The following NDRG4 variants were observed in gnomAD, a reference collection of about 807,000 sequenced individuals.
The protein encoded by NDRG4 is NDRG family member 4.
A neutral mutation model predicts 55.8 loss-of-function variants in NDRG4; 38 were observed. The ratio of observed to expected loss-of-function variants is 0.68; its 90% CI spans 0.53 to 0.89. The LOEUF is 0.89. Among genes scored for constraint, NDRG4 ranks in the 40% least tolerant of loss-of-function variants. The pLI is 0.00. For missense variants in NDRG4, 455 were observed against 468.6 expected, an observed-to-expected ratio of 0.97 and a Z score of 0.27; for synonymous variants, 190 against 182.7, an observed-to-expected ratio of 1.04 and a Z score of -0.32.
chr16:58,504,650 G>T lies in NDRG4; in HGVS notation c.372+1G>T. ...AGCCTATGTGCTGGCCAAGTTTGCA[G>T]TGAGTCTCCCCATGCCCCCATTACC... On this transcript the variant is annotated splice_donor_variant, in intron 5 of 14. Coordinates refer to ENST00000570248, the MANE Select transcript of NDRG4 (RefSeq NM_001242835.2). LOFTEE classifies it high-confidence loss of function. The T allele has an allele frequency of 6.2e-7, 1 of 1,614,218 alleles. No homozygotes were observed. The highest frequency in any genetic ancestry group is 8.5e-7 in the Non-Finnish European group (1 of 1,180,038).
chr16:58,471,328 G>A (rs1474978003), intron 1 of NDRG4, among the ~76,000 whole-genome samples: 1 of 151,696 alleles, frequency 6.6e-6, no homozygotes, highest in Non-Finnish European at 1.5e-5. Context: ...GCAGCCACAG[G>A]AAACCAGCAG....
rs985163925 is a variant in NDRG4 at position 58,464,037 on chromosome 16, A to C, written c.-24+240A>C. ...CCTCGCCTTCCCGGCCGCGCTGGGG[A>C]CCCCCAGCCGCCGTCCGCGACCCCC... On this transcript the variant is annotated intron_variant, in intron 1 of 15. Coordinates refer to the NDRG4 transcript ENST00000258187. This position sits in a 1 kb window ranked among gnomAD's most constrained non-coding sequence, Gnocchi z 4.8. 5.6e-6 allele frequency: 1 copy of C among 177,544 alleles called. No homozygotes were observed. The highest frequency in any genetic ancestry group is 1.2e-5 in the Non-Finnish European group (1 of 85,890). 11.0% of individuals were successfully genotyped at this position (177,544 alleles called of 1,614,324 possible).
chr16:58,474,323 G>T (rs375965992), intron 1 of NDRG4, among the ~76,000 whole-genome samples: 4 of 152,158 alleles, frequency 2.6e-5, no homozygotes, highest in Non-Finnish European at 4.4e-5. Flanking sequence ...GATTACAGGC[G>T]TGAGCTGGCT....
chr16:58,468,846 T>C (rs901013826), intron 1 of NDRG4, among the ~76,000 whole-genome samples: 8 of 152,300 alleles, frequency 5.3e-5, no homozygotes, highest in African/African-American at 1.9e-4. Context: ...GGATGATTTT[T>C]TTATTTTTTA....
In NDRG4 at chr16:58,504,049, G is replaced by A. The variant is rs145771163; in HGVS notation, c.128-105G>A. On this transcript the variant is annotated intron_variant, in intron 2 of 14. Coordinates refer to ENST00000570248, the MANE Select transcript of NDRG4 (RefSeq NM_001242835.2). ...CCCTCCGGGCCTCCATTTCCCCGAC[G>A]GACCCGAGGCTTACACTTCTGCCTT... The A allele has an allele frequency of 3.3e-4, 516 of 1,584,806 alleles. 3 individuals are homozygous for A. The African/African-American group carries it at 3.4e-3, about 11-fold the overall frequency.
chr16:58,500,129 A>G, upstream of NDRG4: 1 of 1,533,780 alleles, frequency 6.5e-7, no homozygotes, highest in Non-Finnish European at 8.7e-7. Flanking sequence ...ATGGCCCAGG[A>G]GCTGTGCCCC....
rs781213199 is a variant in NDRG4 at position 58,511,573 on chromosome 16, T to TTGAA, written c.1057_*1dup. ...TCAACCACACCATGGAGGTGTCCTG[T>TTGAA]TGAAGCCCTTGATCCCGCTGACGAC... On this transcript the variant is annotated frameshift_variant and stop_retained_variant, in exon 15 of 15. Transcript: ENST00000570248. LOFTEE classifies it high-confidence loss of function. The TTGAA allele has an allele frequency of 6.2e-7, 1 of 1,613,084 alleles. No homozygotes were observed. Among genetic ancestry groups the TTGAA allele is most frequent in the Non-Finnish European group, 8.5e-7 (1 of 1,179,964 alleles).
rs142560464 is a variant in NDRG4 at position 58,490,696 on chromosome 16, G to A, written c.72+2846G>A. 5.3e-5 allele frequency among the ~76,000 whole-genome samples: 8 copies of A among 152,312 alleles called. No homozygotes were observed. In the East Asian group the frequency reaches 7.7e-4, roughly 15 times the overall value. ...AAGGCACCTCAAAAGCCCCATTCCC[G>A]CCAGACATGTTGGCTCACGCCTGTA... On this transcript the variant is annotated intron_variant, in intron 2 of 15. Transcript: ENST00000258187.
At position 58,511,960 on chromosome 16, in the gene NDRG4, T is replaced by G; in HGVS notation, c.*384T>G. 2.2e-6 allele frequency: 1 copy of G among 459,836 alleles called. No homozygotes were observed. Among genetic ancestry groups the G allele is most frequent in the Admixed American group, 2.4e-5 (1 of 42,308 alleles). 28.5% of individuals were successfully genotyped at this position (459,836 alleles called of 1,614,324 possible). ...GAGGGTGGGTGCTGGGCCACAGGGG[T>G]GCGGGGCCAGCTCAGGCACTGGCGT... On this transcript the variant is annotated 3_prime_UTR_variant, in exon 15 of 15. Transcript: ENST00000570248.
chr16:58,511,335 G>T, intron 14 of NDRG4, 87 bp from the exon 15 acceptor site: 1 of 1,438,272 alleles, frequency 7.0e-7, no homozygotes, highest in South Asian at 1.4e-5. Flanking sequence ...ACGGTTCGCT[G>T]GCCGCTTTGC....
intron 1 of NDRG4, chr16:58,501,628 A>G (rs2037126178): frequency 9.6e-6 from 2 of 208,272 alleles, no homozygotes; most frequent in Non-Finnish European, 1.0e-5. Context: ...AGAAGGCGTT[A>G]GGGAGGTTCG....
In NDRG4 at chr16:58,512,650, T is replaced by TA. The variant is rs1402124948; in HGVS notation, c.*1075dup. 1.3e-5 allele frequency: 2 copies of TA among 155,586 alleles called. No individual in the cohort carries two copies. The highest frequency in any genetic ancestry group is 2.9e-5 in the Non-Finnish European group (2 of 70,106). The allele number at this position is 155,586 out of a possible 1,614,324, so 9.6% of individuals were successfully genotyped here. On this transcript the variant is annotated 3_prime_UTR_variant, in exon 15 of 15. Coordinates refer to ENST00000570248, the MANE Select transcript of NDRG4 (RefSeq NM_001242835.2). Reference sequence around the variant, plus strand: ...CCCCATAGCCGCCTGGGCTGGGGCTTACTGGGGGCTGAAGGTTCTGGACAT... The same window carrying TA: ...CCCCATAGCCGCCTGGGCTGGGGCTTAACTGGGGGCTGAAGGTTCTGGACAT...
Position 58,494,921 on chromosome 16 carries a change from G to A in NDRG4, c.73-43G>A, listed in dbSNP as rs1374173415. 1.9e-6 allele frequency: 3 copies of A among 1,605,186 alleles called. No homozygotes were observed. The South Asian group carries it at 3.3e-5, about 18-fold the overall frequency. On this transcript the variant is annotated intron_variant, in intron 2 of 15. Coordinates refer to the NDRG4 transcript ENST00000258187. Reference sequence around the variant, plus strand: ...AAGGCCCCACGGGCTCCCCAGACCAGCCAGGGCCTAACTTGCCACCCCCTC... The same window carrying A: ...AAGGCCCCACGGGCTCCCCAGACCAACCAGGGCCTAACTTGCCACCCCCTC...
chr16:58,504,461 G>A, intron 4 of NDRG4, 40 bp downstream of exon 4: 3 of 1,611,494 alleles, frequency 1.9e-6, no homozygotes, highest in Non-Finnish European at 2.5e-6. Context: ...GCCCAGGGGT[G>A]CCTACCCCAA....
intron 1 of NDRG4, among the ~76,000 whole-genome samples, chr16:58,487,382 T>C (rs2035218044): frequency 6.6e-6 from 1 of 151,930 alleles, no homozygotes; most frequent in South Asian, 2.1e-4. Flanking sequence ...ATTAGCAAGG[T>C]GGTGGTGTGC....
intron 2 of NDRG4, among the ~76,000 whole-genome samples, chr16:58,491,851 C>T (rs1284041959): frequency 6.6e-6 from 1 of 152,096 alleles, no homozygotes; most frequent in Non-Finnish European, 1.5e-5. Context: ...CCATAACAGC[C>T]TCCTCCTTCA....
At chr16:58,481,614 T>C (rs2034408401) in intron 1 of NDRG4, among the ~76,000 whole-genome samples, 1 of 152,114 alleles carries the variant, frequency 6.6e-6, no homozygotes, top group South Asian at 2.1e-4. Flanking sequence ...GGAGAAATAA[T>C]GTCCCTTGCA....
chr16:58,463,946 C>T (rs2031034600), intron 1 of NDRG4: 1 of 151,500 alleles, frequency 6.6e-6, no homozygotes, highest in South Asian at 1.9e-4. Context: ...CGCACCGACT[C>T]GCTCCCGCCC....
At chr16:58,503,580 G>A (rs2037440686) in intron 1 of NDRG4, 2 of 872,072 alleles carry the variant, frequency 2.3e-6, no homozygotes, top group Non-Finnish European at 3.7e-6. Flanking sequence ...CCTTCCCCAT[G>A]CAGATCAGTT....
Sources: allele counts gnomAD v4.1 joint callset (sites outside exome capture counted in the v4.1 genomes callset), GRCh38; gene constraint gnomAD v4.1.1; non-coding constraint Gnocchi (gnomAD v3.1); transcripts MANE v1.5; gene names NCBI Gene and HGNC (gene_info 2026-07-23, HGNC 2026-07-21).